The following NSD2 variants were observed in gnomAD, a reference collection of about 807,000 sequenced individuals.
NSD2 encodes nuclear receptor binding SET domain protein 2, also known as histone-lysine N-methyltransferase NSD2.
In NSD2, 12 loss-of-function variants were observed where a neutral mutation model predicts 139.0. The ratio of observed to expected loss-of-function variants is 0.09; its 90% CI spans 0.06 to 0.14. The LOEUF (loss-of-function observed/expected upper bound fraction) is 0.14. Among genes scored for constraint, NSD2 ranks in the 10% least tolerant of loss-of-function variants. NSD2 has a pLI of 1.00. For missense variants in NSD2, 1,155 were observed against 1,745.0 expected (o/e 0.66, Z 6.02); for synonymous variants, 669 against 648.7 (o/e 1.03, Z -0.48).
rs1723840790 is a variant in NSD2, at chr4:1,948,230, C to CG, written c.1882-2839dup. On this transcript the variant is annotated intron_variant, in intron 9 of 21. Transcript: ENST00000508803. This position sits in a 1 kb window ranked among gnomAD's most constrained non-coding sequence, Gnocchi z 4.5. The stretch of plus-strand genomic sequence containing the variant: ...TGGCTGTGGTGGACGCGGGAAACAA[C>CG]GGGAAAGTTCTTGACAGAGTCTGTG... The CG allele has an allele frequency of 2.6e-5, 28 of 1,064,248 alleles. No homozygotes were observed. Among genetic ancestry groups the CG allele is most frequent in the Non-Finnish European group, 3.2e-5 (28 of 878,258 alleles). The allele number at this position is 1,064,248 out of a possible 1,614,324, so 65.9% of individuals were successfully genotyped here.
chr4:1,877,700 G>A (rs1359499505), intron 1 of NSD2, among the ~76,000 whole-genome samples: 1 of 152,118 alleles, frequency 6.6e-6, no homozygotes, highest in Non-Finnish European at 1.5e-5. Context: ...AGCCACACGG[G>A]CCTCTTGCCT....
chr4:1,882,188 T>G (rs902473114), intron 1 of NSD2, among the ~76,000 whole-genome samples: 10 of 152,146 alleles, frequency 6.6e-5, no homozygotes. Flanking sequence ...TGTCCCTGCT[T>G]TGGGTCCCTG....
chr4:1,908,231 T>G (rs1718197824), intron 3 of NSD2, among the ~76,000 whole-genome samples: 2 of 152,200 alleles, frequency 1.3e-5, no homozygotes, highest in Non-Finnish European at 2.9e-5. Flanking sequence ...CAGACCTAGG[T>G]CAGAAAGGCC....
intron 1 of NSD2, among the ~76,000 whole-genome samples, chr4:1,871,815 C>G (rs1234561192): frequency 8.2e-6 from 1 of 122,184 alleles, no homozygotes; most frequent in Non-Finnish European, 1.7e-5. Context: ...CCGCGGAGGC[C>G]GGGACGAGTC....
At position 1,918,466 on chromosome 4, in the gene NSD2, T is replaced by C; in HGVS notation, c.1253T>C (p.Ile418Thr). ...GAGACCCTGGAGAGTCACCCCGACATAGGGAAGAGTACTCCTCAAAAGACG... is the reference window on the plus strand; with the variant it reads ...GAGACCCTGGAGAGTCACCCCGACACAGGGAAGAGTACTCCTCAAAAGACG... Reference protein sequence around the residue: ...SAETLESHPDIGKSTPQKTAE... With the variant: ...SAETLESHPDTGKSTPQKTAE... The change falls in exon 5 of 22, where the codon ATA becomes ACA. Residue 418 changes from isoleucine to threonine, a missense_variant. By Grantham distance (89) the Ile-to-Thr change is moderately conservative (BLOSUM62 -1). This residue lies in a region of NSD2 where 420 missense variants were observed against 469.0 expected (regional missense o/e 0.90). Transcript: ENST00000508803. 1.9e-6 allele frequency: 3 copies of C among 1,613,990 alleles called. No individual in the cohort carries two copies. Among genetic ancestry groups the C allele is most frequent in the South Asian group, 1.1e-5 (1 of 91,068 alleles).
rs571483099 is a variant in NSD2, at chr4:1,885,833, C to T, written c.-30+14291C>T. On this transcript the variant is annotated intron_variant, in intron 1 of 21. Transcript: ENST00000508803. ...CTCTTCCCTCAGGACAAGTTCCAGG[C>T]GCAGGAATGATATAGAAAAACTGAG... Among the ~76,000 whole-genome samples the T allele has an allele frequency of 7.0e-4, 106 of 151,978 alleles. 2 individuals are homozygous for T. Among genetic ancestry groups the T allele is most frequent in the African/African-American group, 2.2e-3 (93 of 41,410 alleles).
At chr4:1,945,835 G>T in intron 9 of NSD2, 1 of 1,063,010 alleles carries the variant, frequency 9.4e-7, no homozygotes, top group Non-Finnish European at 1.1e-6. Flanking sequence ...GCTCCTGTCT[G>T]ATAGCGGTAG....
intron 7 of NSD2, 60 bp from the exon 8 acceptor site, chr4:1,938,391 T>TTTTC: frequency 7.7e-7 from 1 of 1,292,100 alleles, no homozygotes; most frequent in Non-Finnish European, 1.0e-6. Context: ...TTTTTTCCTT[T>TTTTC]TTTTCTTTTC....
intron 6 of NSD2, among the ~76,000 whole-genome samples, chr4:1,933,750 C>T (rs571124361): frequency 6.6e-6 from 1 of 152,156 alleles, no homozygotes; most frequent in Non-Finnish European, 1.5e-5. Flanking sequence ...CTCCGTAAAG[C>T]AGTCATGCAA....
chr4:1,978,559 TA>T, intron 21 of NSD2, 78 bp from the exon 22 acceptor site: 1 of 1,533,894 alleles, frequency 6.5e-7, no homozygotes, highest in Non-Finnish European at 8.8e-7. Flanking sequence ...CTGACAGTTG[TA>T]AGTCATCTTC....
At chr4:1,944,358 A>G (rs1723404554) in intron 9 of NSD2, 1 of 1,066,014 alleles carries the variant, frequency 9.4e-7, no homozygotes, top group Admixed American at 5.3e-5. Context: ...CTGCTAATTT[A>G]ACGTGGAATT....
intron 3 of NSD2, 48 bp from the exon 4 acceptor site, chr4:1,916,823 A>G: frequency 1.3e-6 from 2 of 1,566,536 alleles, no homozygotes; most frequent in Non-Finnish European, 1.7e-6. Context: ...GACTAGTTTC[A>G]TCCCAGATTC....
In NSD2 at chr4:1,955,874, T is replaced by C. The variant is rs1465096254; in HGVS notation, c.2675+25T>C. 3.1e-6 allele frequency: 5 copies of C among 1,611,570 alleles called. No homozygotes were observed. The East Asian group carries it at 1.1e-4, about 36-fold the overall frequency. ...GGTGTGAGACATAGAATCGTATGCT[T>C]TTATGTCTTTTCTGTTCACATGTGT... On this transcript the variant is annotated intron_variant, in intron 14 of 21. Coordinates refer to ENST00000508803, the MANE Select transcript of NSD2 (RefSeq NM_001042424.3). This position sits in a 1 kb window ranked among gnomAD's most constrained non-coding sequence, Gnocchi z 4.7.
Position 1,979,098 on chromosome 4 carries a change from C to G in NSD2, c.*189C>G. The G allele has an allele frequency of 1.6e-6, 1 of 607,722 alleles. No homozygotes were observed. The highest frequency in any genetic ancestry group is 2.5e-6 in the Non-Finnish European group (1 of 392,320). The allele number at this position is 607,722 out of a possible 1,614,324, so 37.6% of individuals were successfully genotyped here. On this transcript the variant is annotated 3_prime_UTR_variant, in exon 22 of 22. Coordinates refer to ENST00000508803, the MANE Select transcript of NSD2 (RefSeq NM_001042424.3). ...CTCAGCAGCGTCCGCTGCGTCTGCA[C>G]TGATGACCGTCTGAGCCCAGCTCAG...
At position 1,979,018 on chromosome 4, in the gene NSD2, G is replaced by C. The variant is rs552974806; in HGVS notation, c.*109G>C. On this transcript the variant is annotated 3_prime_UTR_variant, in exon 22 of 22. Coordinates refer to ENST00000508803, the MANE Select transcript of NSD2 (RefSeq NM_001042424.3). Reference sequence around the variant, plus strand: ...CGGAGGACCCAGCTCGAGCCGCCAGGACACAGACGTACAGGCCTCCTCGGG... The same window carrying C: ...CGGAGGACCCAGCTCGAGCCGCCAGCACACAGACGTACAGGCCTCCTCGGG... 5.1e-6 allele frequency: 7 copies of C among 1,373,278 alleles called. No homozygotes were observed. In the South Asian group the frequency reaches 1.1e-4, roughly 22 times the overall value. The allele number at this position is 1,373,278 out of a possible 1,614,324, so 85.1% of individuals were successfully genotyped here.
rs746279426 is a variant in NSD2, at chr4:1,938,416, CTTTTTTTTTTTTTTTT to C, written c.1675-25_1675-10del. 5 of 320,276 alleles carry C rather than the reference CTTTTTTTTTTTTTTTT, an allele frequency of 1.6e-5. No individual in the cohort carries two copies. The highest frequency in any genetic ancestry group is 6.2e-5 in the East Asian group (1 of 16,022). The allele number at this position is 320,276 out of a possible 1,614,324, so 19.8% of individuals were successfully genotyped here. On this transcript the variant is annotated intron_variant, in intron 7 of 21. Transcript: ENST00000508803. ...TTTTTCTTTTCTTTTTTTTTTCTTTCTTTTTTTTTTTTTTTTTTTTTTTTTAAATAATAGAGAGACA... is the reference window on the plus strand; with the variant it reads ...TTTTTCTTTTCTTTTTTTTTTCTTTCTTTTTTTTTAAATAATAGAGAGACA...
intron 1 of NSD2, among the ~76,000 whole-genome samples, chr4:1,881,268 T>A (rs1026476378): frequency 6.6e-6 from 1 of 152,092 alleles, no homozygotes; most frequent in Non-Finnish European, 1.5e-5. Context: ...TGTTTTTGTT[T>A]CTGTTTTTTT....
At chr4:1,944,644 T>C in intron 9 of NSD2, 1 of 1,063,152 alleles carries the variant, frequency 9.4e-7, no homozygotes, top group Non-Finnish European at 1.1e-6. Flanking sequence ...TACTCCATTG[T>C]AATAGGGTGG....
At chr4:1,952,475 G>T (rs899069825) in intron 11 of NSD2, among the ~76,000 whole-genome samples, 1 of 152,214 alleles carries the variant, frequency 6.6e-6, no homozygotes, top group Non-Finnish European at 1.5e-5. Flanking sequence ...GTGGCGGGCA[G>T]GGTGGCGGGA....
Sources: allele counts gnomAD v4.1 joint callset (sites outside exome capture counted in the v4.1 genomes callset), GRCh38; gene constraint gnomAD v4.1.1; regional missense constraint gnomAD v4.1.1; non-coding constraint Gnocchi (gnomAD v3.1); transcripts MANE v1.5; gene names NCBI Gene and HGNC (gene_info 2026-07-23, HGNC 2026-07-21).